The following BEST3 variants were observed in gnomAD, a reference collection of about 807,000 sequenced individuals.
BEST3 encodes bestrophin-3.
A neutral mutation model predicts 47.1 loss-of-function variants in BEST3; 50 were observed. That is an observed-to-expected ratio of 1.06 (90% confidence interval 0.85 to 1.34). The LOEUF (loss-of-function observed/expected upper bound fraction) is 1.34, where lower values mean the gene tolerates loss of function less well. BEST3 is among the 40% of genes most tolerant of loss of function. The pLI is 0.00. For synonymous variants in BEST3, 282 were observed against 298.8 expected (o/e 0.94, Z 0.58); for missense variants, 765 against 817.0 (o/e 0.94, Z 0.78).
intron 8 of BEST3, among the ~76,000 whole-genome samples, 195 bp downstream of exon 8, chr12:69,672,690 A>C (rs1884652393): frequency 6.6e-6 from 1 of 152,200 alleles, no homozygotes; most frequent in Non-Finnish European, 1.5e-5. Flanking sequence ...AAAGGAACTA[A>C]ATTTCACTGG....
intron 2 of BEST3, among the ~76,000 whole-genome samples, chr12:69,697,418 G>A (rs1051550294): frequency 1.2e-4 from 19 of 152,166 alleles, no homozygotes; most frequent in African/African-American, 4.6e-4. Context: ...CACAACTGGG[G>A]CTGGAATGAA....
At position 69,655,599 on chromosome 12, in the gene BEST3, G is replaced by T; in HGVS notation, c.1315C>A (p.Pro439Thr). ...LSPARDLLDV[P>T]SRNPPRASPT... ...GAGGCCCTGGGGGGGTTTCTTGAGG[G>T]CACATCCAGTAGGTCCCTGGCTGGG... Residue 439 changes from proline (P) to threonine (T), a missense_variant, in exon 10 of 10, where the codon CCC (proline) becomes ACC (threonine). Coordinates refer to ENST00000330891, the MANE Select transcript of BEST3 (RefSeq NM_032735.3). 6.2e-7 allele frequency: 1 copy of T among 1,613,946 alleles called. No individual in the cohort carries two copies. The highest frequency in any genetic ancestry group is 8.5e-7 in the Non-Finnish European group (1 of 1,179,968).
chr12:69,646,163 C>T (rs947691620), intron 9 of BEST3, among the ~76,000 whole-genome samples: 1 of 152,136 alleles, frequency 6.6e-6, no homozygotes, highest in Non-Finnish European at 1.5e-5. Flanking sequence ...GTCTCAAACT[C>T]CTGACCTCAA....
intron 4 of BEST3, chr12:69,684,461 A>G: frequency 1.9e-6 from 1 of 531,082 alleles, no homozygotes; most frequent in East Asian, 3.0e-5. Flanking sequence ...TGCCTGCTGT[A>G]CAGTTGCTCT....
intron 4 of BEST3, among the ~76,000 whole-genome samples, chr12:69,685,271 A>G (rs1885512323): frequency 6.6e-6 from 1 of 152,186 alleles, no homozygotes; most frequent in Admixed American, 6.5e-5. Flanking sequence ...CCCATCTGGT[A>G]ATTCACTGCC....
intron 4 of BEST3, among the ~76,000 whole-genome samples, chr12:69,680,685 A>C (rs1040626934): frequency 6.6e-6 from 1 of 152,178 alleles, no homozygotes; most frequent in Non-Finnish European, 1.5e-5. Context: ...CTGTTAGTGG[A>C]GAAAGTCTCC....
At position 69,697,820 on chromosome 12, in the gene BEST3, G is replaced by A. The variant is rs371547410; in HGVS notation, c.-15-7C>T. ...TCATCTTGGATAGTTTTTTCTAGAAGAGCAAGAAGACAAAACACAAGTAAA... is the reference window on the plus strand; with the variant it reads ...TCATCTTGGATAGTTTTTTCTAGAAAAGCAAGAAGACAAAACACAAGTAAA... On this transcript the variant is annotated splice_region_variant and splice_polypyrimidine_tract_variant and intron_variant, in intron 1 of 9. Coordinates refer to ENST00000330891, the MANE Select transcript of BEST3 (RefSeq NM_032735.3). The A allele has an allele frequency of 6.3e-7, 1 of 1,594,720 alleles. No individual in the cohort carries two copies. Among genetic ancestry groups the A allele is most frequent in the African/African-American group, 1.4e-5 (1 of 73,640 alleles).
chr12:69,645,681 A>G (rs1306722478), intron 9 of BEST3, among the ~76,000 whole-genome samples: 1 of 152,118 alleles, frequency 6.6e-6, no homozygotes, highest in East Asian at 1.9e-4. Context: ...GTAGCAAGTT[A>G]TTTACCTTTT....
At chr12:69,694,326 G>T (rs775130937) in intron 3 of BEST3, 44 bp downstream of exon 3, 11 of 1,269,868 alleles carry the variant, frequency 8.7e-6, no homozygotes, top group East Asian at 2.4e-5. Flanking sequence ...TCATCCTAAC[G>T]GAGACAGCTA....
downstream of BEST3, among the ~76,000 whole-genome samples, chr12:69,649,069 A>C (rs1026240278): frequency 6.6e-6 from 1 of 152,186 alleles, no homozygotes; most frequent in Non-Finnish European, 1.5e-5. Flanking sequence ...ATCTCAGTTC[A>C]CTGCAACCTC....
intron 9 of BEST3, among the ~76,000 whole-genome samples, chr12:69,667,557 A>C (rs1009054309): frequency 6.6e-6 from 1 of 152,112 alleles, no homozygotes; most frequent in Non-Finnish European, 1.5e-5. Flanking sequence ...CAGCCTCCCA[A>C]AGTGCTGGGA....
At chr12:69,643,897 T>C (rs570660668) in intron 9 of BEST3, 2 of 519,386 alleles carry the variant, frequency 3.9e-6, no homozygotes, top group African/African-American at 2.0e-5. Flanking sequence ...CCACCACACA[T>C]TTAATGTAAT....
intron 4 of BEST3, among the ~76,000 whole-genome samples, chr12:69,682,091 A>AAAG (rs1191287489): frequency 6.6e-6 from 1 of 151,432 alleles, no homozygotes; most frequent in Non-Finnish European, 1.5e-5. Flanking sequence ...CAAAAAAAAA[A>AAAG]AAAAAAAGAA....
At chr12:69,670,607 C>T (rs1287092490) in intron 9 of BEST3, 1 of 700,094 alleles carries the variant, frequency 1.4e-6, no homozygotes, top group African/African-American at 1.7e-5. Context: ...GGGCAGGCCA[C>T]TTCAGGGAGG....
At chr12:69,658,785 A>C (rs1883675804) in intron 9 of BEST3, among the ~76,000 whole-genome samples, 1 of 152,208 alleles carries the variant, frequency 6.6e-6, no homozygotes, top group Admixed American at 6.5e-5. Flanking sequence ...GTTTGTGAGA[A>C]ATAGGAGATA....
At chr12:69,673,110 A>G (rs1317465761) in intron 7 of BEST3, 145 bp from the exon 8 acceptor site, 2 of 624,110 alleles carry the variant, frequency 3.2e-6, no homozygotes, top group Non-Finnish European at 5.5e-6. Flanking sequence ...TTCTACCGAG[A>G]TATTTATTAG....
intron 4 of BEST3, chr12:69,689,326 G>A (rs1203867843): frequency 1.1e-5 from 10 of 938,430 alleles, no homozygotes; most frequent in East Asian, 1.2e-4. Context: ...CGGTGACAGC[G>A]GGTGCCGGCC....
intron 4 of BEST3, among the ~76,000 whole-genome samples, chr12:69,682,862 C>T (rs4761257): frequency 6.6e-6 from 1 of 152,180 alleles, no homozygotes; most frequent in Admixed American, 6.5e-5. Flanking sequence ...CAGCTATGTG[C>T]CACTGTGCCT....
chr12:69,654,939 G>C lies in BEST3; in HGVS notation c.1975C>G (p.Leu659Val). 1.2e-6 allele frequency: 2 copies of C among 1,613,800 alleles called. No homozygotes were observed. Among genetic ancestry groups the C allele is most frequent in the South Asian group, 1.1e-5 (1 of 91,074 alleles). Residue 659 changes from leucine (L) to valine (V), a missense_variant, in exon 10 of 10, where the codon CTG becomes GTG. Physicochemically the swap from Leu to Val is conservative, Grantham distance 32 (BLOSUM62 1). Coordinates refer to ENST00000330891, the MANE Select transcript of BEST3 (RefSeq NM_032735.3). ...GGTGATTCCTCAGTTTCCTTGTTCA[G>C]CTCTATGATATCTGTTTCCTTGGTG... The part of the protein sequence containing the change: ...LDTKETDIIE[L>V]NKETEESPK
Sources: gnomAD v4.1 joint callset for allele counts (sites outside exome capture counted in the v4.1 genomes callset) on GRCh38, gnomAD v4.1.1 for gene constraint, MANE v1.5 for transcripts, NCBI Gene and HGNC (gene_info 2026-07-23, HGNC 2026-07-21) for gene names.